Variants in LAMA2 observed in about 807,000 individuals in gnomAD.
The protein encoded by LAMA2 is laminin subunit alpha-2.
In LAMA2, 269 loss-of-function variants were observed where a neutral mutation model predicts 364.8. The observed-to-expected ratio is 0.74, with a 90% CI of 0.67 to 0.82. The LOEUF (loss-of-function observed/expected upper bound fraction) is 0.82, where lower values mean the gene tolerates loss of function less well. Among genes scored for constraint, LAMA2 ranks in the 40% least tolerant of loss-of-function variants. The pLI is 0.00. For synonymous variants in LAMA2, 1,379 were observed against 1,370.6 expected (o/e 1.01, Z -0.14); for missense variants, 3,807 against 3,873.2 (o/e 0.98, Z 0.45).
chr6:129,240,703 T>C (rs1469582753), intron 12 of LAMA2, among the ~76,000 whole-genome samples: 1 of 152,198 alleles, frequency 6.6e-6, no homozygotes, highest in African/African-American at 2.4e-5. Flanking sequence ...CTATACACTA[T>C]GTGTCTTCCT....
intron 3 of LAMA2, among the ~76,000 whole-genome samples, chr6:129,071,348 A>G (rs1252334204): frequency 6.6e-6 from 1 of 152,038 alleles, no homozygotes; most frequent in Non-Finnish European, 1.5e-5. Flanking sequence ...GTCTTTTTCA[A>G]ATAGCCAGTT....
chr6:129,452,521 G>A (rs963754091), intron 45 of LAMA2, among the ~76,000 whole-genome samples: 1 of 152,108 alleles, frequency 6.6e-6, no homozygotes, highest in African/African-American at 2.4e-5. Flanking sequence ...AACTGTAAGA[G>A]TATAGGAGGG....
At chr6:128,995,552 G>C (rs896293962) in intron 1 of LAMA2, among the ~76,000 whole-genome samples, 2 of 152,158 alleles carry the variant, frequency 1.3e-5, no homozygotes, top group African/African-American at 2.4e-5. Flanking sequence ...TTGAACTCCT[G>C]ACCTCAGGTG....
At chr6:128,910,739 T>C (rs1777864192) in intron 1 of LAMA2, among the ~76,000 whole-genome samples, 1 of 151,934 alleles carries the variant, frequency 6.6e-6, no homozygotes, top group Non-Finnish European at 1.5e-5. Context: ...CCAGTTTTTC[T>C]GTTCTGTTTT....
intron 41 of LAMA2, among the ~76,000 whole-genome samples, chr6:129,437,852 T>G (rs1461182935): frequency 6.6e-6 from 1 of 152,012 alleles, no homozygotes; most frequent in Non-Finnish European, 1.5e-5. Context: ...CCTTAATGAT[T>G]TCAAATTTTA....
chr6:128,886,318 C>G (rs188116458), intron 1 of LAMA2, among the ~76,000 whole-genome samples: 1 of 151,928 alleles, frequency 6.6e-6, no homozygotes, highest in Non-Finnish European at 1.5e-5. Context: ...TCCATTTGTG[C>G]TCTTCTGGAA....
At chr6:129,365,866 G>T (rs73587387) in intron 32 of LAMA2, among the ~76,000 whole-genome samples, 1,823 of 152,230 alleles carry the variant, frequency 0.012, 33 homozygotes, top group African/African-American at 0.042. Context: ...GATTGCTCAT[G>T]TAGGGATTTA....
At chr6:128,959,590 C>T (rs1330442903) in intron 1 of LAMA2, among the ~76,000 whole-genome samples, 1 of 152,124 alleles carries the variant, frequency 6.6e-6, no homozygotes, top group Non-Finnish European at 1.5e-5. Flanking sequence ...GAATGCTTCT[C>T]CCCAAGATAT....
rs138913295 is a variant in LAMA2, at chr6:129,432,978, A to T, written c.5968+5124A>T. Among the ~76,000 whole-genome samples the T allele has an allele frequency of 1.2e-4, 19 of 152,272 alleles. No homozygotes were observed. The East Asian group carries it at 3.7e-3, about 29-fold the overall frequency. On this transcript the variant is annotated intron_variant, in intron 41 of 64. Coordinates refer to ENST00000421865, the MANE Select transcript of LAMA2 (RefSeq NM_000426.4). ...ATCTAATTTCTTACTTTCAGATCAGAAGAGGGTTTCTCCATAACCTGACTC... is the reference window on the plus strand; with the variant it reads ...ATCTAATTTCTTACTTTCAGATCAGTAGAGGGTTTCTCCATAACCTGACTC...
chr6:129,386,351 A>C (rs774852922), intron 35 of LAMA2, among the ~76,000 whole-genome samples: 4 of 151,990 alleles, frequency 2.6e-5, no homozygotes, highest in African/African-American at 9.7e-5. Context: ...AACTATATAT[A>C]TGTATATAAA....
intron 1 of LAMA2, among the ~76,000 whole-genome samples, chr6:128,896,028 A>G (rs1370749763): frequency 6.6e-6 from 1 of 151,946 alleles, no homozygotes. Flanking sequence ...CTTTGACCAA[A>G]TTTTTCACTC....
chr6:129,502,362 T>C (rs150851442), intron 58 of LAMA2, among the ~76,000 whole-genome samples: 3 of 152,310 alleles, frequency 2.0e-5, no homozygotes, highest in African/African-American at 7.2e-5. Flanking sequence ...AAAGGGAAAT[T>C]CCAGTTTTCT....
intron 1 of LAMA2, among the ~76,000 whole-genome samples, chr6:128,924,753 A>G (rs752721161): frequency 2.5e-4 from 38 of 152,258 alleles, no homozygotes; most frequent in Admixed American, 1.2e-3. Flanking sequence ...ATTTGACTCC[A>G]CTGTAGGCCA....
At chr6:128,908,855 C>G (rs1203092899) in intron 1 of LAMA2, among the ~76,000 whole-genome samples, 1 of 148,444 alleles carries the variant, frequency 6.7e-6, no homozygotes, top group Non-Finnish European at 1.5e-5. Flanking sequence ...TTGTCGGTTT[C>G]AAAGAACATC....
intron 27 of LAMA2, 124 bp downstream of exon 27, chr6:129,316,295 A>G (rs1774603263): frequency 1.3e-6 from 1 of 788,474 alleles, no homozygotes; most frequent in African/African-American, 1.7e-5. Context: ...GATAGAAGAT[A>G]AACCATGGAG....
At chr6:129,507,931 T>A (rs777979519) in intron 62 of LAMA2, among the ~76,000 whole-genome samples, 1 of 152,230 alleles carries the variant, frequency 6.6e-6, no homozygotes, top group African/African-American at 2.4e-5. Context: ...AGAACACTCA[T>A]ATGTTTATAC....
intron 3 of LAMA2, among the ~76,000 whole-genome samples, chr6:129,066,583 T>A (rs1266448796): frequency 7.0e-6 from 1 of 143,342 alleles, no homozygotes; most frequent in African/African-American, 2.6e-5. Flanking sequence ...TAAAAATAAA[T>A]CCTAAATATT....
intron 37 of LAMA2, among the ~76,000 whole-genome samples, chr6:129,399,935 C>G (rs1380630118): frequency 1.3e-5 from 2 of 152,212 alleles, no homozygotes; most frequent in African/African-American, 4.8e-5. Context: ...CTTAATCACA[C>G]TGTACTATGT....
At chr6:129,451,023 T>G (rs1198605831) in intron 45 of LAMA2, among the ~76,000 whole-genome samples, 1 of 152,176 alleles carries the variant, frequency 6.6e-6, no homozygotes, top group Non-Finnish European at 1.5e-5. Flanking sequence ...GAAGACCATA[T>G]TTTTCCCACC....
Sources: allele counts gnomAD v4.1 joint callset (sites outside exome capture counted in the v4.1 genomes callset), GRCh38; gene constraint gnomAD v4.1.1; transcripts MANE v1.5; gene names NCBI Gene and HGNC (gene_info 2026-07-23, HGNC 2026-07-21).